PALLD: variants seen among roughly 807,000 people sequenced by gnomAD.
PALLD encodes palladin.
A neutral mutation model predicts 123.5 loss-of-function variants in PALLD; 61 were observed. The observed-to-expected ratio is 0.49, with a 90% CI of 0.40 to 0.61. The LOEUF (loss-of-function observed/expected upper bound fraction) is 0.61. Among genes scored for constraint, PALLD ranks in the 20% least tolerant of loss-of-function variants. PALLD has a pLI of 0.00. For synonymous variants in PALLD, 465 were observed against 496.4 expected (o/e 0.94, Z 0.84); for missense variants, 1,273 against 1,377.0 (o/e 0.92, Z 1.20).
At chr4:168,811,807 CACAT>C (rs1265997371) in intron 10 of PALLD, among the ~76,000 whole-genome samples, 4 of 136,956 alleles carry the variant, frequency 2.9e-5, no homozygotes, top group Non-Finnish European at 4.9e-5. Context: ...CACACACACA[CACAT>C]TTATTGAATT....
Position 168,809,253 on chromosome 4 carries a change from A to G in PALLD, c.1965-81669A>G, listed in dbSNP as rs78552946. ...TTCTGAGAAATTCCCTCAGGGTAAA[A>G]CAGCTTTAAGTGCTCTGCTTTCCAC... On this transcript the variant is annotated intron_variant, in intron 10 of 21. Transcript: ENST00000505667. Among the ~76,000 whole-genome samples, 518 of 152,168 alleles carry G rather than the reference A, an allele frequency of 3.4e-3. 2 individuals are homozygous for G. The highest frequency in any genetic ancestry group is 0.012 in the African/African-American group (486 of 41,548).
At position 168,610,183 on chromosome 4, in the gene PALLD, C is replaced by T. The variant is rs368330409; in HGVS notation, c.909-58007C>T. Among the ~76,000 whole-genome samples, 11 of 152,276 alleles carry T rather than the reference C, an allele frequency of 7.2e-5. No homozygotes were observed. The South Asian group carries it at 1.4e-3, about 20-fold the overall frequency. ...CTGGCCCATCAACTATGTTGCATCT[C>T]GGATAGCTTTCCACCAGGAGTCTTT... On this transcript the variant is annotated intron_variant, in intron 2 of 21. Coordinates refer to ENST00000505667, the MANE Select transcript of PALLD (RefSeq NM_001166108.2).
intron 14 of PALLD, among the ~76,000 whole-genome samples, chr4:168,899,303 C>T (rs1371810508): frequency 6.6e-6 from 1 of 152,042 alleles, no homozygotes; most frequent in Non-Finnish European, 1.5e-5. Flanking sequence ...AAGGAGCTGC[C>T]CTATCTTTAA....
At chr4:168,681,439 A>G (rs1386366773) in intron 4 of PALLD, 41 bp downstream of exon 4, 1 of 1,275,820 alleles carries the variant, frequency 7.8e-7, no homozygotes. Context: ...GAAACAAAGA[A>G]TGGCAACAGA....
intron 15 of PALLD, among the ~76,000 whole-genome samples, chr4:168,909,315 CTG>C (rs1758434672): frequency 6.6e-6 from 1 of 152,126 alleles, no homozygotes; most frequent in South Asian, 2.1e-4. Flanking sequence ...TTATGAAGAC[CTG>C]TGTGCCACAA....
chr4:168,777,557 A>G (rs1377683732), intron 10 of PALLD, among the ~76,000 whole-genome samples: 1 of 152,232 alleles, frequency 6.6e-6, no homozygotes, highest in Non-Finnish European at 1.5e-5. Context: ...TCAGAATATC[A>G]GTAGCAGCAG....
chr4:168,606,166 T>C (rs905607523), intron 2 of PALLD, among the ~76,000 whole-genome samples: 7 of 152,224 alleles, frequency 4.6e-5, no homozygotes, highest in African/African-American at 1.4e-4. Context: ...TTTTAGTTTG[T>C]GTCTCTTTGA....
chr4:168,545,785 CATA>C (rs1477448407), intron 2 of PALLD, among the ~76,000 whole-genome samples: 1 of 152,198 alleles, frequency 6.6e-6, no homozygotes, highest in East Asian at 1.9e-4. Context: ...TTTGTAATTA[CATA>C]ATGTCAGTTT....
At position 168,850,460 on chromosome 4, in the gene PALLD, C is replaced by T. The variant is rs117022656; in HGVS notation, c.1965-40462C>T. 1.5e-4 allele frequency among the ~76,000 whole-genome samples: 21 copies of T among 144,588 alleles called. No homozygotes were observed. The East Asian group carries it at 3.7e-3, about 25-fold the overall frequency. 94.9% of individuals were successfully genotyped at this position (144,588 alleles called of 152,430 possible). A position where few individuals can be genotyped will look rare whatever the true frequency, so the allele number is the denominator to read the frequency against. Reference sequence around the variant, plus strand: ...CTGTTTGAAAAGCCTGGAAAAAATGCGGTATACTGTAGGGAAAGTCAGTCT... The same window carrying T: ...CTGTTTGAAAAGCCTGGAAAAAATGTGGTATACTGTAGGGAAAGTCAGTCT... On this transcript the variant is annotated intron_variant, in intron 10 of 21. Transcript: ENST00000505667.
intron 2 of PALLD, among the ~76,000 whole-genome samples, chr4:168,523,000 G>C (rs1215754084): frequency 2.0e-5 from 3 of 152,036 alleles, no homozygotes; most frequent in African/African-American, 7.2e-5. Context: ...TGGTAAATTA[G>C]GCCACAGAAA....
chr4:168,843,886 T>C (rs1468923240), intron 10 of PALLD: 1 of 152,170 alleles, frequency 6.6e-6, no homozygotes, highest in African/African-American at 2.4e-5. Flanking sequence ...CGTGCCAAAT[T>C]TACCACACCT....
chr4:168,890,172 A>T (rs947509299), intron 10 of PALLD, among the ~76,000 whole-genome samples: 1 of 152,126 alleles, frequency 6.6e-6, no homozygotes, highest in Non-Finnish European at 1.5e-5. Context: ...AGCACCAATG[A>T]CCCTTGGCTC....
intron 10 of PALLD, among the ~76,000 whole-genome samples, chr4:168,811,737 G>T (rs1359141295): frequency 6.9e-6 from 1 of 145,136 alleles, no homozygotes; most frequent in Non-Finnish European, 1.5e-5. Context: ...GCAAGACCCT[G>T]TCTCTCTTTC....
chr4:168,748,231 A>G (rs573474629), intron 10 of PALLD, among the ~76,000 whole-genome samples: 6 of 152,234 alleles, frequency 3.9e-5, no homozygotes, highest in African/African-American at 7.2e-5. Context: ...CAAACCAGCA[A>G]CATCAGCATC....
chr4:168,581,669 A>G (rs1770292180), intron 2 of PALLD, among the ~76,000 whole-genome samples: 1 of 152,052 alleles, frequency 6.6e-6, no homozygotes, highest in Non-Finnish European at 1.5e-5. Context: ...TTAACTCCTT[A>G]CCAGATTTAT....
At chr4:168,629,625 C>T (rs897773611) in intron 2 of PALLD, among the ~76,000 whole-genome samples, 1 of 152,182 alleles carries the variant, frequency 6.6e-6, no homozygotes, top group African/African-American at 2.4e-5. Context: ...ACAAGCTCCC[C>T]CACCCTCCCA....
intron 10 of PALLD, among the ~76,000 whole-genome samples, chr4:168,753,662 C>T (rs1731372331): frequency 6.6e-6 from 1 of 152,198 alleles, no homozygotes; most frequent in South Asian, 2.1e-4. Context: ...TGTCAACTTC[C>T]ATTTTGATAG....
intron 10 of PALLD, among the ~76,000 whole-genome samples, chr4:168,722,345 A>C (rs1786105070): frequency 6.6e-6 from 1 of 152,232 alleles, no homozygotes. Context: ...TTTTAAAGTT[A>C]AAAGTAAACC....
chr4:168,550,528 C>T (rs1766618354), intron 2 of PALLD, among the ~76,000 whole-genome samples: 1 of 152,056 alleles, frequency 6.6e-6, no homozygotes. Flanking sequence ...CAGTAAGCCT[C>T]TATAACTAAT....
Sources: allele counts gnomAD v4.1 joint callset (sites outside exome capture counted in the v4.1 genomes callset), GRCh38; gene constraint gnomAD v4.1.1; transcripts MANE v1.5; gene names NCBI Gene and HGNC (gene_info 2026-07-23, HGNC 2026-07-21).